Variants in GRID1 observed in about 807,000 individuals in gnomAD.
GRID1 encodes glutamate receptor ionotropic, delta-1.
Under a neutral mutation model 98.0 loss-of-function variants are expected in GRID1, and 28 were observed. That is an observed-to-expected ratio of 0.29 (90% CI 0.21 to 0.39). GRID1 has a LOEUF of 0.39. GRID1 is among the 10% of genes least tolerant of loss of function. The probability of loss-of-function intolerance (pLI) is 1.00; values close to 1 mark genes in which losing one functional copy is unlikely to be tolerated. For synonymous variants in GRID1, 553 were observed against 538.5 expected (o/e 1.03, Z -0.37); for missense variants, 1,111 against 1,340.5 (o/e 0.83, Z 2.67).
At chr10:86,246,043 G>A (rs1236199377) in intron 2 of GRID1, among the ~76,000 whole-genome samples, 2 of 152,248 alleles carry the variant, frequency 1.3e-5, no homozygotes, top group Non-Finnish European at 2.9e-5. Context: ...GTGCCTGGGG[G>A]CCAAGACGAC....
At chr10:86,077,613 C>T (rs552120369) in intron 4 of GRID1, among the ~76,000 whole-genome samples, 2 of 152,310 alleles carry the variant, frequency 1.3e-5, no homozygotes, top group South Asian at 4.1e-4. Context: ...CATTCGAACA[C>T]ATATTGTGTG....
chr10:85,784,787 T>A (rs1471464881), intron 8 of GRID1, among the ~76,000 whole-genome samples: 1 of 152,222 alleles, frequency 6.6e-6, no homozygotes, highest in Non-Finnish European at 1.5e-5. Context: ...GAGGTGTGCA[T>A]GCTCTATGTG....
In GRID1 at chr10:86,206,259, A is replaced by G. The variant is rs1250650238; in HGVS notation, c.520+105T>C. On this transcript the variant is annotated intron_variant, in intron 3 of 15. Coordinates refer to ENST00000327946, the MANE Select transcript of GRID1 (RefSeq NM_017551.3). The surrounding 1 kb of genome is among the most constrained non-coding windows in gnomAD (Gnocchi z 4.1). ...CCTATCACCTGGAGGCCCACTCAGC[A>G]CAGACCACCCCTGACCGGTCCAGGG... The G allele has an allele frequency of 1.4e-5, 16 of 1,117,594 alleles. No homozygotes were observed. The Admixed American group carries it at 1.7e-4, about 12-fold the overall frequency. 69.2% of individuals were successfully genotyped at this position (1,117,594 alleles called of 1,614,324 possible).
chr10:85,775,528 C>G (rs1346444475), intron 8 of GRID1, among the ~76,000 whole-genome samples: 1 of 151,838 alleles, frequency 6.6e-6, no homozygotes, highest in African/African-American at 2.4e-5. Context: ...ACACTGGGGA[C>G]TCCTAGAGGA....
intron 8 of GRID1, among the ~76,000 whole-genome samples, chr10:85,840,869 C>A (rs1324448892): frequency 6.6e-6 from 1 of 152,168 alleles, no homozygotes; most frequent in Non-Finnish European, 1.5e-5. Context: ...AACATTCATG[C>A]TCATGGATAG....
intron 12 of GRID1, among the ~76,000 whole-genome samples, chr10:85,665,082 A>G (rs1841004540): frequency 6.6e-6 from 1 of 152,202 alleles, no homozygotes; most frequent in Non-Finnish European, 1.5e-5. Flanking sequence ...TATTATTATT[A>G]GTGCTACTGT....
At chr10:86,099,500 C>T (rs555054505) in intron 4 of GRID1, among the ~76,000 whole-genome samples, 71 of 152,102 alleles carry the variant, frequency 4.7e-4, no homozygotes, top group South Asian at 1.3e-3. Context: ...GGCCCCTTGT[C>T]CCTTCACCAG....
chr10:85,778,618 G>C (rs949556731), intron 8 of GRID1, among the ~76,000 whole-genome samples: 1 of 152,194 alleles, frequency 6.6e-6, no homozygotes, highest in African/African-American at 2.4e-5. Context: ...TGACCTGTGT[G>C]CTGTGCTGAT....
At chr10:86,197,102 G>A (rs1845885219) in intron 3 of GRID1, among the ~76,000 whole-genome samples, 1 of 152,072 alleles carries the variant, frequency 6.6e-6, no homozygotes, top group Middle Eastern at 3.2e-3. Flanking sequence ...ATCAAAAGAT[G>A]AGTAAATGGG....
intron 8 of GRID1, among the ~76,000 whole-genome samples, chr10:85,761,573 G>C (rs1005155556): frequency 3.3e-5 from 5 of 152,194 alleles, no homozygotes; most frequent in Admixed American, 6.5e-5. Context: ...GTGCAGGGCA[G>C]CCAACCTAAC....
At chr10:86,335,874 C>G (rs1485177276) in intron 2 of GRID1, among the ~76,000 whole-genome samples, 1 of 152,252 alleles carries the variant, frequency 6.6e-6, no homozygotes, top group Non-Finnish European at 1.5e-5. Context: ...CCTCTCCAAC[C>G]TGCCCCACAA....
At chr10:85,946,452 G>A (rs570447636) in intron 4 of GRID1, among the ~76,000 whole-genome samples, 1 of 152,306 alleles carries the variant, frequency 6.6e-6, no homozygotes, top group African/African-American at 2.4e-5. Flanking sequence ...ATTAGAAACA[G>A]AAGTTCTAAT....
At chr10:86,097,408 G>A (rs1844236540) in intron 4 of GRID1, among the ~76,000 whole-genome samples, 1 of 152,190 alleles carries the variant, frequency 6.6e-6, no homozygotes, top group Admixed American at 6.5e-5. Context: ...GTGCTGGGGA[G>A]ACTGGTAAAA....
chr10:85,702,504 T>G (rs1010033817), intron 12 of GRID1, among the ~76,000 whole-genome samples: 1 of 151,946 alleles, frequency 6.6e-6, no homozygotes, highest in Non-Finnish European at 1.5e-5. Context: ...ATATAAATAA[T>G]AAGGAAATAT....
chr10:85,724,811 G>C lies in GRID1; in HGVS notation c.1534-135C>G, dbSNP rs972981660. 10 of 624,554 alleles carry C rather than the reference G, an allele frequency of 1.6e-5. No individual in the cohort carries two copies. The African/African-American group carries it at 1.8e-4, about 11-fold the overall frequency. The allele number at this position is 624,554 out of a possible 1,614,324, so 38.7% of individuals were successfully genotyped here. On this transcript the variant is annotated intron_variant, in intron 10 of 15. Transcript: ENST00000327946. ...GGATTTGAGAGCTGGCACCCTGAGAGTCTGAATATTATAAGGAAAATCCAA... is the reference window on the plus strand; with the variant it reads ...GGATTTGAGAGCTGGCACCCTGAGACTCTGAATATTATAAGGAAAATCCAA...
rs969465368 is a variant in GRID1, at chr10:86,195,645, G to A, written c.520+10719C>T. ...GGGTTGGCAGCAAACAAGCCCCCGC[G>A]GCGACCACGCCATCAGGTGGGTAAG... On this transcript the variant is annotated intron_variant, in intron 3 of 15. Coordinates refer to ENST00000327946, the MANE Select transcript of GRID1 (RefSeq NM_017551.3). The surrounding 1 kb of genome is among the most constrained non-coding windows in gnomAD (Gnocchi z 4.4). Among the ~76,000 whole-genome samples the A allele has an allele frequency of 1.3e-5, 2 of 152,120 alleles. No individual in the cohort carries two copies. Among genetic ancestry groups the A allele is most frequent in the Admixed American group, 6.5e-5 (1 of 15,274 alleles).
chr10:85,860,779 G>A (rs1258113601), intron 6 of GRID1, among the ~76,000 whole-genome samples: 2 of 152,084 alleles, frequency 1.3e-5, no homozygotes, highest in Admixed American at 1.3e-4. Flanking sequence ...TTGATGGAAC[G>A]AGTGAAGTAG....
chr10:85,968,407 C>T (rs960971105), intron 4 of GRID1, among the ~76,000 whole-genome samples: 5 of 147,914 alleles, frequency 3.4e-5, no homozygotes, highest in African/African-American at 1.0e-4. Flanking sequence ...GCCGGGATCG[C>T]GCCACTGCAC....
chr10:86,114,539 C>T (rs1398387798), intron 4 of GRID1, among the ~76,000 whole-genome samples: 7 of 152,176 alleles, frequency 4.6e-5, no homozygotes, highest in African/African-American at 1.7e-4. Flanking sequence ...GTTGCGCTCA[C>T]ATCTGACTGA....
Sources: allele counts gnomAD v4.1 joint callset (sites outside exome capture counted in the v4.1 genomes callset), GRCh38; gene constraint gnomAD v4.1.1; non-coding constraint Gnocchi (gnomAD v3.1); transcripts MANE v1.5; gene names NCBI Gene and HGNC (gene_info 2026-07-23, HGNC 2026-07-21).